AFG3L2: variants seen among roughly 807,000 people sequenced by gnomAD.
The protein encoded by AFG3L2 is mitochondrial inner membrane m-AAA protease component AFG3L2.
Under a neutral mutation model 94.5 loss-of-function variants are expected in AFG3L2, and 54 were observed. The ratio of observed to expected loss-of-function variants is 0.57; its 90% CI spans 0.46 to 0.72. The LOEUF is 0.72. Ranked by LOEUF, AFG3L2 falls within the 30% of genes least tolerant of loss-of-function variation. The pLI is 0.00. For synonymous variants in AFG3L2, 377 were observed against 365.5 expected (o/e 1.03, Z -0.36); for missense variants, 754 against 994.9 (o/e 0.76, Z 3.26).
At position 12,344,094 on chromosome 18, in the gene AFG3L2, C is replaced by T. The variant is rs371687745; in HGVS notation, c.1779+38G>A. ...GTGACTGCAGCGAGCATCTGCTCACCCATGCACTGGCTGCCTAGTGCAGCT... is the reference window on the plus strand; with the variant it reads ...GTGACTGCAGCGAGCATCTGCTCACTCATGCACTGGCTGCCTAGTGCAGCT... On this transcript the variant is annotated intron_variant, in intron 14 of 16. Transcript: ENST00000269143. 141 of 1,539,602 alleles carry T rather than the reference C, an allele frequency of 9.2e-5. No individual in the cohort carries two copies. The Middle Eastern group carries it at 5.2e-3, about 57-fold the overall frequency.
intron 16 of AFG3L2, among the ~76,000 whole-genome samples, chr18:12,331,274 C>T (rs546898797): frequency 3.3e-5 from 5 of 152,112 alleles, no homozygotes; most frequent in African/African-American, 7.2e-5. Flanking sequence ...GCCTGCACGA[C>T]GACAAAATCA....
chr18:12,349,865 T>C (rs985258309), intron 12 of AFG3L2, among the ~76,000 whole-genome samples: 25 of 152,158 alleles, frequency 1.6e-4, no homozygotes, highest in African/African-American at 6.0e-4. Context: ...TTTCGCCTCA[T>C]TGGCCAGGCT....
chr18:12,363,995 C>A, intron 5 of AFG3L2, 139 bp from the exon 6 acceptor site: 1 of 727,022 alleles, frequency 1.4e-6, no homozygotes, highest in Admixed American at 2.2e-5. Context: ...CCCCATGTTC[C>A]CCCCTATAAT....
chr18:12,333,075 ACTAT>A (rs1907615762), intron 16 of AFG3L2, among the ~76,000 whole-genome samples: 1 of 5,702 alleles, frequency 1.8e-4, no homozygotes. Context: ...CTATTATATA[ACTAT>A]TATATAATAG....
In AFG3L2 at chr18:12,345,262, G is replaced by A. The variant is rs534588351; in HGVS notation, c.1664-1015C>T. Among the ~76,000 whole-genome samples, 33 of 152,368 alleles carry A rather than the reference G, an allele frequency of 2.2e-4. No homozygotes were observed. In the South Asian group the frequency reaches 6.0e-3, roughly 28 times the overall value. On this transcript the variant is annotated intron_variant, in intron 13 of 16. Coordinates refer to ENST00000269143, the MANE Select transcript of AFG3L2 (RefSeq NM_006796.3). ...GCCTGCGTCCACCACAGTGCTGACCGGACTCTAGTCTGAGCGTGATTCTTC... is the reference window on the plus strand; with the variant it reads ...GCCTGCGTCCACCACAGTGCTGACCAGACTCTAGTCTGAGCGTGATTCTTC...
chr18:12,341,286 T>C (rs1047782822), intron 14 of AFG3L2: 2 of 152,258 alleles, frequency 1.3e-5, no homozygotes, highest in East Asian at 1.9e-4. Context: ...ATTCAGTTTA[T>C]TGAGAGATGA....
intron 5 of AFG3L2, among the ~76,000 whole-genome samples, 179 bp from the exon 6 acceptor site, chr18:12,364,035 C>T (rs1908737531): frequency 6.6e-6 from 1 of 152,156 alleles, no homozygotes; most frequent in South Asian, 2.1e-4. Flanking sequence ...ACATCCCCTC[C>T]CAAAGGGGGC....
chr18:12,355,765 T>G (rs1422013430), intron 9 of AFG3L2, among the ~76,000 whole-genome samples: 1 of 151,662 alleles, frequency 6.6e-6, no homozygotes, highest in African/African-American at 2.4e-5. Flanking sequence ...GCCTCCCAGG[T>G]TCACGCCATT....
In AFG3L2 at chr18:12,367,053, C is replaced by A. The variant is rs763297112; in HGVS notation, c.464G>T (p.Gly155Val). The change falls in exon 5 of 17, where the codon GGT (glycine) becomes GTT (valine). Residue 155 changes from glycine (G) to valine (V), a missense_variant. By Grantham distance (109) the Gly-to-Val change is moderately radical. Around this residue, in one of 4 missense-constraint regions of AFG3L2, gnomAD observed 236 missense variants for 214.0 expected, o/e 1.10. Coordinates refer to ENST00000269143, the MANE Select transcript of AFG3L2 (RefSeq NM_006796.3). The stretch of plus-strand genomic sequence containing the variant: ...GAGCAGCAAGTAAAACATGACTCCA[C>A]CCCAGAACAGAGCAGTCCAGAGGAA... ...MFFLWTALFWGGVMFYLLLKR... is the reference protein window; with the variant it reads ...MFFLWTALFWVGVMFYLLLKR... 5.0e-6 allele frequency: 8 copies of A among 1,614,092 alleles called. No individual in the cohort carries two copies. The highest frequency in any genetic ancestry group is 1.7e-5 in the Admixed American group (1 of 60,008).
rs1458086085 is a variant in AFG3L2, at chr18:12,377,215, A to G, written c.-133T>C. The G allele has an allele frequency of 3.0e-5, 21 of 700,260 alleles. No homozygotes were observed. The highest frequency in any genetic ancestry group is 4.2e-5 in the Non-Finnish European group (18 of 433,480). 43.4% of individuals were successfully genotyped at this position (700,260 alleles called of 1,614,324 possible). On this transcript the variant is annotated 5_prime_UTR_variant, in exon 1 of 17. Coordinates refer to ENST00000269143, the MANE Select transcript of AFG3L2 (RefSeq NM_006796.3). Reference sequence around the variant, plus strand: ...GAAGCGCGCCGGCGGCTCACGGAGGAGCCCAAGCTCTCAACGCGGCGTCTC... The same window carrying G: ...GAAGCGCGCCGGCGGCTCACGGAGGGGCCCAAGCTCTCAACGCGGCGTCTC...
intron 16 of AFG3L2, among the ~76,000 whole-genome samples, chr18:12,330,576 G>T (rs1020733422): frequency 6.6e-6 from 1 of 152,038 alleles, no homozygotes; most frequent in African/African-American, 2.4e-5. Context: ...TCCGAAGTTC[G>T]ACACCAGCCT....
At chr18:12,361,785 T>C (rs1276877101) in intron 6 of AFG3L2, among the ~76,000 whole-genome samples, 1 of 152,250 alleles carries the variant, frequency 6.6e-6, no homozygotes, top group Non-Finnish European at 1.5e-5. Flanking sequence ...GAGTAAGTTT[T>C]ATATTATATA....
intron 9 of AFG3L2, among the ~76,000 whole-genome samples, chr18:12,354,403 T>C (rs564438509): frequency 6.6e-6 from 1 of 152,154 alleles, no homozygotes; most frequent in South Asian, 2.1e-4. Flanking sequence ...GGGGTCCACC[T>C]CACACCCCAC....
rs968725354 is a variant in AFG3L2, at chr18:12,370,592, G to C, written c.292+257C>G. On this transcript the variant is annotated intron_variant, in intron 3 of 16. Coordinates refer to ENST00000269143, the MANE Select transcript of AFG3L2 (RefSeq NM_006796.3). ...CCCACCTCAGCCTCCCAGGTAGCTG[G>C]GACTACAGGTGTGCACCACCATGTC... 6.0e-5 allele frequency among the ~76,000 whole-genome samples: 9 copies of C among 151,216 alleles called. No individual in the cohort carries two copies. In the East Asian group the frequency reaches 1.8e-3, roughly 29 times the overall value.
intron 15 of AFG3L2, 128 bp from the exon 16 acceptor site, chr18:12,337,663 A>G: frequency 1.2e-6 from 1 of 811,820 alleles, no homozygotes; most frequent in Middle Eastern, 2.2e-4. Flanking sequence ...CAGCAGCAGC[A>G]GCACAGTGCT....
intron 12 of AFG3L2, among the ~76,000 whole-genome samples, chr18:12,350,001 C>A (rs1459717181): frequency 6.7e-6 from 1 of 150,088 alleles, no homozygotes; most frequent in Non-Finnish European, 1.5e-5. Context: ...AATAAAAAAA[C>A]CTAGAGAGAC....
intron 1 of AFG3L2, among the ~76,000 whole-genome samples, chr18:12,374,400 C>A (rs1909079600): frequency 6.6e-6 from 1 of 152,182 alleles, no homozygotes; most frequent in African/African-American, 2.4e-5. Flanking sequence ...ACATCAGAAT[C>A]TCTTCCTCAC....
At chr18:12,363,349 T>C (rs555691983) in intron 6 of AFG3L2, among the ~76,000 whole-genome samples, 1 of 152,276 alleles carries the variant, frequency 6.6e-6, no homozygotes, top group African/African-American at 2.4e-5. Context: ...AAATGGAAAT[T>C]AAAACAATAT....
chr18:12,372,329 T>G (rs1229443339), intron 1 of AFG3L2, among the ~76,000 whole-genome samples: 1 of 152,094 alleles, frequency 6.6e-6, no homozygotes. Flanking sequence ...AAATAATAGT[T>G]ATAAAAATTA....
Sources: gnomAD v4.1 joint callset for allele counts (sites outside exome capture counted in the v4.1 genomes callset) on GRCh38, gnomAD v4.1.1 for gene constraint, gnomAD v4.1.1 regional missense constraint, MANE v1.5 for transcripts, NCBI Gene and HGNC (gene_info 2026-07-23, HGNC 2026-07-21) for gene names.